TBC1D22A: variants seen among roughly 807,000 people sequenced by gnomAD.
The protein encoded by TBC1D22A is TBC1 domain family member 22A.
TBC1D22A carries 38 observed loss-of-function variants against 60.2 expected under a neutral mutation model. The ratio of observed to expected loss-of-function variants is 0.63; its 90% CI spans 0.49 to 0.83. TBC1D22A has a LOEUF of 0.83. TBC1D22A is among the 40% of genes least tolerant of loss of function. The pLI is 0.00. For missense variants in TBC1D22A, 628 were observed against 701.0 expected (o/e 0.90, Z 1.18); for synonymous variants, 302 against 281.7 (o/e 1.07, Z -0.72).
chr22:47,003,510 G>A (rs6008017), intron 10 of TBC1D22A, among the ~76,000 whole-genome samples: 42,476 of 113,618 alleles, frequency 0.37, 6,565 homozygotes, highest in African/African-American at 0.42. Context: ...ACACACACCC[G>A]CCAGATACAT....
At chr22:46,772,601 C>T (rs1178155821) in intron 1 of TBC1D22A, among the ~76,000 whole-genome samples, 1 of 77,350 alleles carries the variant, frequency 1.3e-5, no homozygotes. Flanking sequence ...TGTATACACA[C>T]ATATACATAT....
At chr22:46,901,499 A>G (rs543467108) in intron 7 of TBC1D22A, among the ~76,000 whole-genome samples, 149 of 152,342 alleles carry the variant, frequency 9.8e-4, no homozygotes, top group African/African-American at 3.5e-3. Flanking sequence ...ACGTATTTGA[A>G]TGAGGTGAAT....
chr22:47,013,780 C>A (rs2061824213), intron 10 of TBC1D22A, among the ~76,000 whole-genome samples: 1 of 152,208 alleles, frequency 6.6e-6, no homozygotes, highest in Admixed American at 6.5e-5. Flanking sequence ...TCCTCTCTAC[C>A]CCCTCGTCTC....
intron 12 of TBC1D22A, among the ~76,000 whole-genome samples, chr22:47,132,709 G>A (rs186829315): frequency 2.5e-3 from 383 of 152,304 alleles, no homozygotes; most frequent in Non-Finnish European, 4.9e-3. Flanking sequence ...GCCTTGTCCC[G>A]GGGGAGGCTG....
intron 4 of TBC1D22A, among the ~76,000 whole-genome samples, chr22:46,857,565 GC>G (rs1439266030): frequency 6.6e-6 from 1 of 152,166 alleles, no homozygotes; most frequent in Non-Finnish European, 1.5e-5. Context: ...TAGTGTGTTT[GC>G]AGAATTGCTT....
chr22:46,904,370 G>A lies in TBC1D22A; in HGVS notation c.901-7704G>A, dbSNP rs530474686. Among the ~76,000 whole-genome samples, 349 of 152,096 alleles carry A rather than the reference G, an allele frequency of 2.3e-3. 2 individuals carry two copies. The highest frequency in any genetic ancestry group is 6.8e-3 in the Middle Eastern group (2 of 294). The stretch of plus-strand genomic sequence containing the variant: ...GCGAGCTCATTGTGGTGAAAATCAC[G>A]CGGCAAGATAATTTCAGGGTAACCC... On this transcript the variant is annotated intron_variant, in intron 7 of 12. Transcript: ENST00000337137.
At chr22:47,050,521 T>G (rs1385488267) in intron 11 of TBC1D22A, among the ~76,000 whole-genome samples, 1 of 152,236 alleles carries the variant, frequency 6.6e-6, no homozygotes, top group Non-Finnish European at 1.5e-5. Flanking sequence ...TGGGACATTT[T>G]AAGCTTGAGA....
chr22:47,030,853 C>T (rs1296841153), intron 10 of TBC1D22A, among the ~76,000 whole-genome samples: 1 of 152,260 alleles, frequency 6.6e-6, no homozygotes, highest in Non-Finnish European at 1.5e-5. Context: ...AGTTTAGCAG[C>T]CCATCCTTCA....
At chr22:46,965,528 G>A (rs897198660) in intron 8 of TBC1D22A, among the ~76,000 whole-genome samples, 4 of 152,226 alleles carry the variant, frequency 2.6e-5, no homozygotes, top group South Asian at 2.1e-4. Context: ...CGTCATCTCC[G>A]GAGCAGCAAA....
intron 7 of TBC1D22A, among the ~76,000 whole-genome samples, chr22:46,906,190 C>G (rs2069452062): frequency 6.6e-6 from 1 of 152,180 alleles, no homozygotes; most frequent in Non-Finnish European, 1.5e-5. Flanking sequence ...CTTTTCTTCC[C>G]TACTGCTACC....
intron 1 of TBC1D22A, among the ~76,000 whole-genome samples, chr22:46,770,344 A>G (rs1601791807): frequency 1.3e-5 from 2 of 152,330 alleles, no homozygotes; most frequent in East Asian, 3.9e-4. Context: ...TCTCCCTTCG[A>G]GCCTCCCGGA....
At chr22:47,077,525 T>A (rs2147542966) in intron 11 of TBC1D22A, among the ~76,000 whole-genome samples, 1 of 152,346 alleles carries the variant, frequency 6.6e-6, no homozygotes, top group African/African-American at 2.4e-5. Context: ...CTGGGGGGTC[T>A]GAAAGGTCTG....
At chr22:47,044,762 A>G (rs1026623914) in intron 11 of TBC1D22A, among the ~76,000 whole-genome samples, 5 of 152,224 alleles carry the variant, frequency 3.3e-5, no homozygotes, top group African/African-American at 9.6e-5. Context: ...GGGTGTATCT[A>G]TTCCTTCGGA....
At chr22:47,080,941 A>G (rs113166243) in intron 11 of TBC1D22A, among the ~76,000 whole-genome samples, 10,879 of 151,998 alleles carry the variant, frequency 0.072, 424 homozygotes, top group Admixed American at 0.14. Context: ...ACCAACATGG[A>G]GAAACCCTGT....
intron 8 of TBC1D22A, among the ~76,000 whole-genome samples, chr22:46,930,554 C>T (rs1309185255): frequency 6.6e-6 from 1 of 152,092 alleles, no homozygotes; most frequent in Non-Finnish European, 1.5e-5. Context: ...CTCCCAGGTT[C>T]ATGCCGTTCT....
intron 12 of TBC1D22A, among the ~76,000 whole-genome samples, chr22:47,134,511 G>A (rs1423086156): frequency 6.6e-6 from 1 of 152,232 alleles, no homozygotes; most frequent in Non-Finnish European, 1.5e-5. Flanking sequence ...GTGTTGACAG[G>A]CAGCGAAACT....
chr22:47,000,467 T>C (rs1201790029), intron 10 of TBC1D22A, among the ~76,000 whole-genome samples: 3 of 152,176 alleles, frequency 2.0e-5, no homozygotes, highest in Non-Finnish European at 4.4e-5. Flanking sequence ...AAACCTTTAG[T>C]AAAAGTCTGC....
intron 11 of TBC1D22A, among the ~76,000 whole-genome samples, chr22:47,040,636 G>T (rs2062809753): frequency 6.6e-6 from 1 of 152,148 alleles, no homozygotes; most frequent in Non-Finnish European, 1.5e-5. Context: ...AGGCTGCTGG[G>T]GAGGTGAGGA....
At chr22:47,056,530 C>T (rs577188670) in intron 11 of TBC1D22A, among the ~76,000 whole-genome samples, 1 of 152,278 alleles carries the variant, frequency 6.6e-6, no homozygotes, top group South Asian at 2.1e-4. Flanking sequence ...CATCCGTCAC[C>T]AACTCCTCCC....
Sources: allele counts gnomAD v4.1 joint callset (sites outside exome capture counted in the v4.1 genomes callset), GRCh38; gene constraint gnomAD v4.1.1; transcripts MANE v1.5; gene names NCBI Gene and HGNC (gene_info 2026-07-23, HGNC 2026-07-21).